CNOT7: variants seen among roughly 807,000 people sequenced by gnomAD.
The protein encoded by CNOT7 is BTG1-binding factor 1.
A neutral mutation model predicts 37.1 loss-of-function variants in CNOT7; 4 were observed. The ratio of observed to expected loss-of-function variants is 0.11; its 90% CI spans 0.05 to 0.25. The LOEUF is 0.25. Ranked by LOEUF, CNOT7 falls within the 10% of genes least tolerant of loss-of-function variation. The pLI is 1.00. For synonymous variants in CNOT7, 128 were observed against 115.6 expected, an observed-to-expected ratio of 1.11 and a Z score of -0.69; for missense variants, 170 against 336.2, an observed-to-expected ratio of 0.51 and a Z score of 3.87.
chr8:17,245,289 A>G, intron 1 of CNOT7, 42 bp from the exon 2 acceptor site: 4 of 852,518 alleles, frequency 4.7e-6, no homozygotes, highest in Non-Finnish European at 6.7e-6. Flanking sequence ...GATATATCAA[A>G]TCTGAATCAC....
At position 17,225,691 on chromosome 8, in the gene CNOT7, C is replaced by G. The variant is rs1415810242; in HGVS notation, c.*5029G>C. 6.6e-6 allele frequency: 1 copy of G among 151,530 alleles called. No homozygotes were observed. The highest frequency in any genetic ancestry group is 1.9e-4 in the East Asian group (1 of 5,184). 9.4% of individuals were successfully genotyped at this position (151,530 alleles called of 1,614,324 possible). ...TCTGCAGGATTTGGATGTGTACAGT[C>G]CTACGTTTCTATAATGTCTTAATAG... On this transcript the variant is annotated 3_prime_UTR_variant, in exon 7 of 7. Transcript: ENST00000361272.
chr8:17,245,257 T>A lies in CNOT7; in HGVS notation c.-95-10A>T. The A allele has an allele frequency of 4.1e-6, 5 of 1,210,996 alleles. No individual in the cohort carries two copies. Among genetic ancestry groups the A allele is most frequent in the East Asian group, 5.6e-5 (2 of 35,556 alleles). The allele number at this position is 1,210,996 out of a possible 1,614,324, so 75.0% of individuals were successfully genotyped here. A position where few individuals can be genotyped will look rare whatever the true frequency, so the allele number is the denominator to read the frequency against. The stretch of plus-strand genomic sequence containing the variant: ...TCCTTTATTTATGTACCTGTCAAAA[T>A]AAAAAAACAATATGAAGACCAGATA... On this transcript the variant is annotated splice_polypyrimidine_tract_variant and intron_variant, in intron 1 of 6. Coordinates refer to ENST00000361272, the MANE Select transcript of CNOT7 (RefSeq NM_013354.7).
chr8:17,231,622 C>T (rs764910347), intron 6 of CNOT7: 9 of 985,196 alleles, frequency 9.1e-6, no homozygotes, highest in African/African-American at 1.7e-5. Flanking sequence ...AAATCCACAG[C>T]GAATTTTTCC....
chr8:17,246,447 C>T (rs1054379017), intron 1 of CNOT7: 1 of 152,954 alleles, frequency 6.5e-6, no homozygotes, highest in African/African-American at 2.4e-5. Flanking sequence ...TTCCGTCCCA[C>T]TGCGAAGCCC....
At chr8:17,243,298 A>G in intron 2 of CNOT7, 113 bp from the exon 3 acceptor site, 1 of 770,880 alleles carries the variant, frequency 1.3e-6, no homozygotes, top group Non-Finnish European at 2.1e-6. Context: ...CTACACATTT[A>G]TATTCAATTA....
Position 17,234,412 on chromosome 8 carries a change from C to G in CNOT7, c.618+304G>C, listed in dbSNP as rs577496324. 1.6e-4 allele frequency among the ~76,000 whole-genome samples: 24 copies of G among 152,238 alleles called. No individual in the cohort carries two copies. In the South Asian group the frequency reaches 5.0e-3, roughly 32 times the overall value. ...CTCACAATGGCGTGCATATGAGAGCCTCAATGTCCTCAGATTTGTGTTTTG... is the reference window on the plus strand; with the variant it reads ...CTCACAATGGCGTGCATATGAGAGCGTCAATGTCCTCAGATTTGTGTTTTG... On this transcript the variant is annotated intron_variant, in intron 5 of 6. Coordinates refer to ENST00000361272, the MANE Select transcript of CNOT7 (RefSeq NM_013354.7).
Position 17,228,571 on chromosome 8 carries a change from CTA to C in CNOT7, c.*2147_*2148del, listed in dbSNP as rs1808310832. The C allele has an allele frequency of 6.6e-6, 1 of 151,892 alleles. No individual in the cohort carries two copies. The highest frequency in any genetic ancestry group is 2.4e-5 in the African/African-American group (1 of 41,412). 9.4% of individuals were successfully genotyped at this position (151,892 alleles called of 1,614,324 possible). On this transcript the variant is annotated 3_prime_UTR_variant, in exon 7 of 7. Transcript: ENST00000361272. ...AAAAGCAATACACATTCAGTAGAAA[CTA>C]TAACCCCATCTTTGGTCCTAAGGCG...
chr8:17,229,832 C>T lies in CNOT7; in HGVS notation c.*888G>A, dbSNP rs1272425074. On this transcript the variant is annotated 3_prime_UTR_variant, in exon 7 of 7. Transcript: ENST00000361272. ...ATCAAGAGCATCATAAGAATGGCTA[C>T]AAAATTTAAAAAAAAAAAAAGGGTA... The T allele has an allele frequency of 1.0e-5, 1 of 100,298 alleles. No individual in the cohort carries two copies. The highest frequency in any genetic ancestry group is 9.8e-5 in the Admixed American group (1 of 10,160). 6.2% of individuals were successfully genotyped at this position (100,298 alleles called of 1,614,324 possible). A position where few individuals can be genotyped will look rare whatever the true frequency, so the allele number is the denominator to read the frequency against.
In CNOT7 at chr8:17,227,302, TGTA is replaced by T. The variant is rs1808224802; in HGVS notation, c.*3415_*3417del. ...CAACTTTTTTGAAAATATTCCCACT[TGTA>T]GTTCCATACAAATTCTTCGATCACT... is the stretch of plus-strand genomic sequence containing the variant. On this transcript the variant is annotated 3_prime_UTR_variant, in exon 7 of 7. Coordinates refer to ENST00000361272, the MANE Select transcript of CNOT7 (RefSeq NM_013354.7). The T allele has an allele frequency of 6.6e-6, 1 of 151,914 alleles. No homozygotes were observed. The highest frequency in any genetic ancestry group is 2.4e-5 in the African/African-American group (1 of 41,434). The allele number at this position is 151,914 out of a possible 1,614,324, so 9.4% of individuals were successfully genotyped here.
intron 6 of CNOT7, chr8:17,231,575 C>T (rs2150968555): frequency 1.0e-6 from 1 of 985,104 alleles, no homozygotes; most frequent in East Asian, 1.1e-4. Context: ...GTTTTAAATT[C>T]TCAGTCTCAA....
intron 5 of CNOT7, chr8:17,234,466 G>C: frequency 2.3e-6 from 1 of 434,908 alleles, no homozygotes. Flanking sequence ...GGCAAGCAGT[G>C]ACAAGAACCG....
chr8:17,227,462 C>T lies in CNOT7; in HGVS notation c.*3258G>A, dbSNP rs1158890131. The T allele has an allele frequency of 1.3e-5, 2 of 151,824 alleles. No individual in the cohort carries two copies. Among genetic ancestry groups the T allele is most frequent in the Non-Finnish European group, 2.9e-5 (2 of 67,802 alleles). 9.4% of individuals were successfully genotyped at this position (151,824 alleles called of 1,614,324 possible). A position where few individuals can be genotyped will look rare whatever the true frequency, so the allele number is the denominator to read the frequency against. On this transcript the variant is annotated 3_prime_UTR_variant, in exon 7 of 7. Coordinates refer to ENST00000361272, the MANE Select transcript of CNOT7 (RefSeq NM_013354.7). ...TCAAACTACTGTTCTCATCAAAGGGCTGATGTCTTAATTTTCTCTGGACAC... is the reference window on the plus strand; with the variant it reads ...TCAAACTACTGTTCTCATCAAAGGGTTGATGTCTTAATTTTCTCTGGACAC...
intron 5 of CNOT7, 141 bp downstream of exon 5, chr8:17,234,575 A>G: frequency 1.1e-6 from 1 of 894,724 alleles, no homozygotes; most frequent in Non-Finnish European, 1.8e-6. Flanking sequence ...CAAGAAAAAA[A>G]ATCACATGAC....
intron 2 of CNOT7, among the ~76,000 whole-genome samples, chr8:17,243,812 A>C (rs1810515199): frequency 6.6e-6 from 1 of 152,228 alleles, no homozygotes; most frequent in South Asian, 2.1e-4. Context: ...TTGGTTAAGA[A>C]AACAATTTTA....
In CNOT7 at chr8:17,242,772, G is replaced by A. The variant is rs1810362609; in HGVS notation, c.311+220C>T. On this transcript the variant is annotated intron_variant, in intron 3 of 6. Transcript: ENST00000361272. Reference sequence around the variant, plus strand: ...ACCCAGTCTTCCAAATACAAAAAAAGCTGCAGTCATATTTTAAATATAACA... The same window carrying A: ...ACCCAGTCTTCCAAATACAAAAAAAACTGCAGTCATATTTTAAATATAACA... 8.3e-6 allele frequency: 3 copies of A among 363,244 alleles called. No homozygotes were observed. The South Asian group carries it at 2.7e-4, about 33-fold the overall frequency. 22.5% of individuals were successfully genotyped at this position (363,244 alleles called of 1,614,324 possible).
At chr8:17,246,023 A>T (rs898502123) in intron 1 of CNOT7, 9 of 152,074 alleles carry the variant, frequency 5.9e-5, no homozygotes, top group African/African-American at 2.2e-4. Context: ...TCACAAATGT[A>T]ACTTCCAATT....
At position 17,228,951 on chromosome 8, in the gene CNOT7, A is replaced by G. The variant is rs982346035; in HGVS notation, c.*1769T>C. 49 of 152,004 alleles carry G rather than the reference A, an allele frequency of 3.2e-4. No individual in the cohort carries two copies. The highest frequency in any genetic ancestry group is 1.1e-3 in the African/African-American group (47 of 41,454). 9.4% of individuals were successfully genotyped at this position (152,004 alleles called of 1,614,324 possible). On this transcript the variant is annotated 3_prime_UTR_variant, in exon 7 of 7. Coordinates refer to ENST00000361272, the MANE Select transcript of CNOT7 (RefSeq NM_013354.7). ...TTTTAAAAAGCCACAGTTATACCAAATGTATTTACTTTGTGAAGTATATCC... is the reference window on the plus strand; with the variant it reads ...TTTTAAAAAGCCACAGTTATACCAAGTGTATTTACTTTGTGAAGTATATCC...
At chr8:17,245,564 C>T (rs1810849479) in intron 1 of CNOT7, among the ~76,000 whole-genome samples, 1 of 152,112 alleles carries the variant, frequency 6.6e-6, no homozygotes, top group South Asian at 2.1e-4. Flanking sequence ...TAAAGCCATC[C>T]ATTTCCAGAC....
chr8:17,246,270 G>C (rs920964469), intron 1 of CNOT7: 4 of 152,278 alleles, frequency 2.6e-5, no homozygotes, highest in Non-Finnish European at 5.9e-5. Flanking sequence ...CCAGAGAAAC[G>C]AGAGGACGGC....
Sources: allele counts gnomAD v4.1 joint callset (sites outside exome capture counted in the v4.1 genomes callset), GRCh38; gene constraint gnomAD v4.1.1; transcripts MANE v1.5; gene names NCBI Gene and HGNC (gene_info 2026-07-23, HGNC 2026-07-21).